Variants in HAVCR1 observed in about 807,000 individuals in gnomAD.
HAVCR1 encodes the protein T cell immunoglobin domain and mucin domain protein 1.
Under a neutral mutation model 32.0 loss-of-function variants are expected in HAVCR1, and 34 were observed. The ratio of observed to expected loss-of-function variants is 1.06; its 90% CI spans 0.81 to 1.42. The LOEUF (loss-of-function observed/expected upper bound fraction) is 1.42, where lower values mean the gene tolerates loss of function less well. Ranked by LOEUF, HAVCR1 falls within the 40% of genes most tolerant of loss-of-function variation. The pLI is 0.00. For missense variants in HAVCR1, 420 were observed against 442.3 expected, an observed-to-expected ratio of 0.95 and a Z score of 0.45; for synonymous variants, 178 against 170.3, an observed-to-expected ratio of 1.05 and a Z score of -0.35.
chr5:157,035,234 C>T (rs1754456808), intron 7 of HAVCR1, among the ~76,000 whole-genome samples: 1 of 152,028 alleles, frequency 6.6e-6, no homozygotes, highest in South Asian at 2.1e-4. Flanking sequence ...TTGAACTTCC[C>T]TGCAAGGTAT....
intron 4 of HAVCR1, 151 bp downstream of exon 4, chr5:157,052,210 T>A: frequency 3.0e-6 from 2 of 664,840 alleles, no homozygotes; most frequent in East Asian, 2.7e-5. Flanking sequence ...AACTTGGGAG[T>A]TGGGGAGGAT....
the HAVCR1 span, among the ~76,000 whole-genome samples, chr5:157,068,333 C>T: frequency 6.6e-6 from 1 of 151,962 alleles, no homozygotes; most frequent in Non-Finnish European, 1.5e-5. Flanking sequence ...CCTGTAGGCC[C>T]AGCCCTTTGG....
upstream of HAVCR1, among the ~76,000 whole-genome samples, chr5:157,060,352 G>C (rs1756453114): frequency 6.6e-6 from 1 of 152,048 alleles, no homozygotes; most frequent in Non-Finnish European, 1.5e-5. Flanking sequence ...CCAGCTACTA[G>C]AGCTTTCTTT....
chr5:157,060,609 T>C (rs1051306710), upstream of HAVCR1, among the ~76,000 whole-genome samples: 3 of 152,130 alleles, frequency 2.0e-5, no homozygotes, highest in Non-Finnish European at 4.4e-5. Context: ...TTCCCTCCTA[T>C]AGAGTGCTGC....
At chr5:157,064,467 C>T in the HAVCR1 span, among the ~76,000 whole-genome samples, 1 of 151,746 alleles carries the variant, frequency 6.6e-6, no homozygotes, top group Admixed American at 6.6e-5. Context: ...GAAGGTGGAG[C>T]AAACAGGATT....
intron 3 of HAVCR1, among the ~76,000 whole-genome samples, chr5:157,053,556 T>C (rs1009827236): frequency 6.6e-6 from 1 of 151,992 alleles, no homozygotes; most frequent in Non-Finnish European, 1.5e-5. Flanking sequence ...TGTAAGACCT[T>C]AGTGGAAGAA....
At chr5:157,030,363 A>C (rs1425989977) in intron 8 of HAVCR1, among the ~76,000 whole-genome samples, 1 of 152,246 alleles carries the variant, frequency 6.6e-6, no homozygotes, top group Non-Finnish European at 1.5e-5. Flanking sequence ...ACACTGGATC[A>C]TAGTGTTAAA....
chr5:157,057,451 G>GAAAT (rs1199589983), intron 2 of HAVCR1, among the ~76,000 whole-genome samples: 2 of 111,978 alleles, frequency 1.8e-5, no homozygotes, highest in African/African-American at 6.2e-5. Flanking sequence ...AAGAAAGAAA[G>GAAAT]AAAGAAAGAA....
At chr5:157,065,528 G>A in the HAVCR1 span, among the ~76,000 whole-genome samples, 5 of 152,172 alleles carry the variant, frequency 3.3e-5, no homozygotes, top group Admixed American at 2.0e-4. Context: ...AGGTCAGCCT[G>A]GCCAACATGG....
chr5:157,046,423 CA>C (rs1406252658), intron 5 of HAVCR1, among the ~76,000 whole-genome samples: 1 of 152,170 alleles, frequency 6.6e-6, no homozygotes, highest in East Asian at 1.9e-4. Context: ...CAAGGAAAGA[CA>C]GGTCAATTCT....
Position 157,052,452 on chromosome 5 carries a change from C to T in HAVCR1, c.582G>A (p.Thr194=), listed in dbSNP as rs775670904. 39 of 1,603,708 alleles carry T rather than the reference C, an allele frequency of 2.4e-5. No homozygotes were observed. The African/African-American group carries it at 3.5e-4, about 14-fold the overall frequency. ...VSTTTSVPTT[T]SIPTTTSVPV... ...GAACACTTGTTGTTGTTGGAATGCT[C>T]GTTGTCGTTGGAACGCTCGTTGTCG... Residue 194 remains threonine (T), a synonymous_variant, in exon 4 of 9, where the codon ACG becomes ACA. Coordinates refer to ENST00000523175, the MANE Select transcript of HAVCR1 (RefSeq NM_001173393.3).
rs778990365 is a variant in HAVCR1 at position 157,037,322 on chromosome 5, T to A, written c.877A>T (p.Thr293Ser). The change falls in exon 7 of 9, where the codon ACT becomes TCT. Residue 293 changes from threonine to serine, a missense_variant. Thr to Ser is a moderately conservative substitution (Grantham distance 58). Transcript: ENST00000523175. Reference protein sequence around the residue: ...LEHSLLTANTTKGIYAGVCIS... With the variant: ...LEHSLLTANTSKGIYAGVCIS... ...CAGACTCCAGCATAGATTCCTTTAGTGGTATTGGCCGTCAGTAGACTATGT... is the reference window on the plus strand; with the variant it reads ...CAGACTCCAGCATAGATTCCTTTAGAGGTATTGGCCGTCAGTAGACTATGT... The A allele has an allele frequency of 6.3e-7, 1 of 1,599,540 alleles. No individual in the cohort carries two copies. The highest frequency in any genetic ancestry group is 8.6e-7 in the Non-Finnish European group (1 of 1,166,732).
the HAVCR1 span, among the ~76,000 whole-genome samples, chr5:157,069,134 A>AC: frequency 2.0e-5 from 3 of 152,180 alleles, no homozygotes; most frequent in Admixed American, 6.5e-5. Flanking sequence ...CTCACACTAA[A>AC]CTTGCCCAGG....
intron 2 of HAVCR1, among the ~76,000 whole-genome samples, chr5:157,056,770 A>G (rs1215235381): frequency 2.0e-5 from 3 of 152,176 alleles, no homozygotes; most frequent in Non-Finnish European, 4.4e-5. Context: ...TGGTTATAGA[A>G]GTATATAATG....
chr5:157,065,721 G>A, the HAVCR1 span, among the ~76,000 whole-genome samples: 9 of 152,068 alleles, frequency 5.9e-5, no homozygotes, highest in African/African-American at 2.2e-4. Flanking sequence ...CGGGTGTGAT[G>A]GCGCATGCCT....
chr5:157,057,874 C>T (rs376702877), intron 2 of HAVCR1, 24 bp downstream of exon 2: 346 of 1,599,896 alleles, frequency 2.2e-4, no homozygotes, highest in Non-Finnish European at 2.7e-4. Context: ...CCCTTCTTCC[C>T]GCCCAGGGCA....
chr5:157,069,029 C>T, the HAVCR1 span, among the ~76,000 whole-genome samples: 13 of 152,200 alleles, frequency 8.5e-5, no homozygotes, highest in African/African-American at 1.7e-4. Context: ...GTATGTATTG[C>T]GCCTAAAGTC....
chr5:157,062,966 A>T (rs368693650), upstream of HAVCR1, among the ~76,000 whole-genome samples: 22 of 151,934 alleles, frequency 1.4e-4, no homozygotes, highest in African/African-American at 5.3e-4. Flanking sequence ...CTAAAACTAC[A>T]AAAATTAGCC....
chr5:157,030,160 A>G (rs1754088864), intron 8 of HAVCR1, among the ~76,000 whole-genome samples: 1 of 152,178 alleles, frequency 6.6e-6, no homozygotes, highest in East Asian at 1.9e-4. Flanking sequence ...TCTGACATCA[A>G]ACTAAGTGGC....
Sources: allele counts gnomAD v4.1 joint callset (sites outside exome capture counted in the v4.1 genomes callset), GRCh38; gene constraint gnomAD v4.1.1; transcripts MANE v1.5; gene names NCBI Gene and HGNC (gene_info 2026-07-23, HGNC 2026-07-21).